The following CNTNAP5 variants were observed in gnomAD, a reference collection of about 807,000 sequenced individuals.
The protein encoded by CNTNAP5 is contactin associated protein family member 5, also known as contactin-associated protein-like 5.
CNTNAP5 carries 72 observed loss-of-function variants against 150.2 expected under a neutral mutation model. The observed-to-expected ratio is 0.48, with a 90% confidence interval of 0.40 to 0.58. CNTNAP5 has a LOEUF of 0.58. CNTNAP5 is among the 20% of genes least tolerant of loss of function. The pLI is 0.00. For synonymous variants in CNTNAP5, 672 were observed against 619.8 expected (o/e 1.08, Z -1.25); for missense variants, 1,636 against 1,626.2 (o/e 1.01, Z -0.10).
At chr2:124,054,437 A>C (rs144354341) in intron 1 of CNTNAP5, among the ~76,000 whole-genome samples, 37 of 152,242 alleles carry the variant, frequency 2.4e-4, no homozygotes, top group African/African-American at 8.9e-4. Flanking sequence ...ACAAGGGTGG[A>C]CCTAAGTCAT....
intron 19 of CNTNAP5, among the ~76,000 whole-genome samples, chr2:124,799,054 TTTTA>T (rs1681910566): frequency 6.6e-6 from 1 of 152,176 alleles, no homozygotes; most frequent in South Asian, 2.1e-4. Flanking sequence ...ATTTTTTAAA[TTTTA>T]TTTATTATTT....
chr2:124,137,596 G>A (rs368080186), intron 1 of CNTNAP5, among the ~76,000 whole-genome samples: 2 of 152,072 alleles, frequency 1.3e-5, no homozygotes, highest in East Asian at 1.9e-4. Context: ...TACTTTGGGC[G>A]CTTTAGGGGA....
At chr2:124,267,816 T>G (rs944559168) in intron 3 of CNTNAP5, among the ~76,000 whole-genome samples, 1 of 152,100 alleles carries the variant, frequency 6.6e-6, no homozygotes, top group African/African-American at 2.4e-5. Flanking sequence ...AAGCAAACTG[T>G]TTTTAAGAAG....
chr2:124,125,647 G>A (rs1044703275), intron 1 of CNTNAP5, among the ~76,000 whole-genome samples: 4 of 152,102 alleles, frequency 2.6e-5, no homozygotes, highest in Non-Finnish European at 5.9e-5. Flanking sequence ...TTCCAAAATT[G>A]ACCACATAGT....
intron 21 of CNTNAP5, among the ~76,000 whole-genome samples, chr2:124,897,026 G>C (rs1467943194): frequency 6.6e-6 from 1 of 151,406 alleles, no homozygotes; most frequent in African/African-American, 2.4e-5. Context: ...CATCATTTAA[G>C]CCTTTATTTG....
intron 8 of CNTNAP5, among the ~76,000 whole-genome samples, chr2:124,510,831 A>T (rs1164970607): frequency 6.6e-6 from 1 of 152,184 alleles, no homozygotes; most frequent in Non-Finnish European, 1.5e-5. Flanking sequence ...AGAGCAGAGA[A>T]CACCTTCTAG....
chr2:124,211,201 G>A (rs1686001436), intron 1 of CNTNAP5, among the ~76,000 whole-genome samples: 1 of 152,178 alleles, frequency 6.6e-6, no homozygotes, highest in African/African-American at 2.4e-5. Flanking sequence ...ATGGAAATAT[G>A]TAGTAGATAG....
At chr2:124,859,950 C>G (rs1265802067) in intron 19 of CNTNAP5, among the ~76,000 whole-genome samples, 2 of 151,910 alleles carry the variant, frequency 1.3e-5, no homozygotes, top group Non-Finnish European at 2.9e-5. Context: ...AGGGGATATA[C>G]TTAATGTAAA....
At chr2:124,378,729 A>G (rs1382057594) in intron 3 of CNTNAP5, among the ~76,000 whole-genome samples, 1 of 152,046 alleles carries the variant, frequency 6.6e-6, no homozygotes, top group Non-Finnish European at 1.5e-5. Flanking sequence ...GAAACTGTTG[A>G]GGTTCAGAGT....
intron 12 of CNTNAP5, among the ~76,000 whole-genome samples, chr2:124,629,752 T>C (rs1023718295): frequency 7.1e-6 from 1 of 140,998 alleles, no homozygotes; most frequent in Non-Finnish European, 1.5e-5. Flanking sequence ...ACCCTTCAAA[T>C]AATCAATGGA....
chr2:124,827,113 A>G (rs564532719), intron 19 of CNTNAP5, among the ~76,000 whole-genome samples: 18 of 152,212 alleles, frequency 1.2e-4, no homozygotes, highest in African/African-American at 4.3e-4. Flanking sequence ...CCTTAGAGAC[A>G]GGATCTCCCT....
intron 19 of CNTNAP5, among the ~76,000 whole-genome samples, chr2:124,841,231 TA>T (rs1221051386): frequency 6.6e-6 from 1 of 151,982 alleles, no homozygotes; most frequent in East Asian, 1.9e-4. Context: ...ATGGGTTGGT[TA>T]AAAAAAAGTC....
At chr2:124,771,738 G>A (rs998203478) in intron 16 of CNTNAP5, among the ~76,000 whole-genome samples, 14 of 138,090 alleles carry the variant, frequency 1.0e-4, no homozygotes, top group Non-Finnish European at 1.6e-4. Context: ...CACCACCACC[G>A]TTACCACCAT....
Position 124,271,183 on chromosome 2 carries a change from A to T in CNTNAP5, c.381+28790A>T, listed in dbSNP as rs1392608506. 2.0e-5 allele frequency among the ~76,000 whole-genome samples: 3 copies of T among 152,302 alleles called. No individual in the cohort carries two copies. In the East Asian group the frequency reaches 5.8e-4, roughly 29 times the overall value. ...GGAAAAGATGAAAATGGTTTGAATA[A>T]GTCAGAAAAAAATGTATGAATAGGT... On this transcript the variant is annotated intron_variant, in intron 3 of 23. Transcript: ENST00000682447.
chr2:124,826,513 G>A (rs1176499178), intron 19 of CNTNAP5, among the ~76,000 whole-genome samples: 6 of 152,128 alleles, frequency 3.9e-5, no homozygotes, highest in African/African-American at 1.4e-4. Flanking sequence ...ATGAAGCCCA[G>A]AATAAGTTTC....
intron 3 of CNTNAP5, among the ~76,000 whole-genome samples, chr2:124,350,459 T>A (rs1689849596): frequency 6.6e-6 from 1 of 151,804 alleles, no homozygotes; most frequent in Non-Finnish European, 1.5e-5. Flanking sequence ...GCTTGTTTTT[T>A]TTTTTTAATC....
intron 21 of CNTNAP5, among the ~76,000 whole-genome samples, chr2:124,899,012 T>C (rs1358850564): frequency 6.6e-6 from 1 of 151,260 alleles, no homozygotes; most frequent in African/African-American, 2.5e-5. Flanking sequence ...TATTTGAAAA[T>C]TGCTGACAGT....
intron 3 of CNTNAP5, among the ~76,000 whole-genome samples, chr2:124,387,111 A>C (rs937815431): frequency 1.3e-5 from 2 of 152,202 alleles, no homozygotes; most frequent in African/African-American, 4.8e-5. Flanking sequence ...GTGTATTGTT[A>C]TGTTTAAGCA....
rs577459874 is a variant in CNTNAP5, at chr2:124,748,348, C to T, written c.2234+963C>T. Among the ~76,000 whole-genome samples, 3 of 152,260 alleles carry T rather than the reference C, an allele frequency of 2.0e-5. No individual in the cohort carries two copies. In the East Asian group the frequency reaches 5.8e-4, roughly 29 times the overall value. On this transcript the variant is annotated intron_variant, in intron 14 of 23. Coordinates refer to ENST00000682447, the MANE Select transcript of CNTNAP5 (RefSeq NM_001367498.1). ...AGCCAGAGTTTCTTAGTCTCCTACA[C>T]CAACTTACTTCTGTAAAATCAATTT...
Sources: gnomAD v4.1 joint callset for allele counts (sites outside exome capture counted in the v4.1 genomes callset) on GRCh38, gnomAD v4.1.1 for gene constraint, MANE v1.5 for transcripts, NCBI Gene and HGNC (gene_info 2026-07-23, HGNC 2026-07-21) for gene names.